The following CREB5 variants were observed in gnomAD, a reference collection of about 807,000 sequenced individuals.
CREB5 encodes the protein cyclic AMP-responsive element-binding protein 5.
A neutral mutation model predicts 57.1 loss-of-function variants in CREB5; 19 were observed. The ratio of observed to expected loss-of-function variants is 0.33; its 90% CI spans 0.23 to 0.49. The LOEUF (loss-of-function observed/expected upper bound fraction) is 0.49, where lower values mean the gene tolerates loss of function less well. Ranked by LOEUF, CREB5 falls within the 20% of genes least tolerant of loss-of-function variation. CREB5 has a pLI of 0.99. For missense variants in CREB5, 579 were observed against 671.6 expected, an observed-to-expected ratio of 0.86 and a Z score of 1.52; for synonymous variants, 238 against 238.3, an observed-to-expected ratio of 1.00 and a Z score of 0.01.
At chr7:28,339,465 A>T (rs1785891002) in intron 1 of CREB5, among the ~76,000 whole-genome samples, 1 of 152,092 alleles carries the variant, frequency 6.6e-6, no homozygotes. Context: ...CTCTTCCCTT[A>T]CTTTCTCCCA....
chr7:28,405,101 A>T (rs541173583), intron 1 of CREB5, among the ~76,000 whole-genome samples: 2 of 152,228 alleles, frequency 1.3e-5, no homozygotes, highest in African/African-American at 4.8e-5. Flanking sequence ...TGGTTTTCAC[A>T]GTTTTGGATG....
intron 5 of CREB5, among the ~76,000 whole-genome samples, chr7:28,657,952 G>C (rs1287802658): frequency 6.6e-6 from 1 of 152,106 alleles, no homozygotes; most frequent in Non-Finnish European, 1.5e-5. Context: ...AACACTGATT[G>C]AACAAAATGA....
intron 1 of CREB5, among the ~76,000 whole-genome samples, chr7:28,433,887 C>T (rs560428350): frequency 6.6e-6 from 1 of 151,688 alleles, no homozygotes; most frequent in Non-Finnish European, 1.5e-5. Flanking sequence ...CTTTCGTCTA[C>T]TGTAATAAAA....
intron 7 of CREB5, among the ~76,000 whole-genome samples, chr7:28,753,416 G>A (rs1014704473): frequency 6.6e-6 from 1 of 152,068 alleles, no homozygotes; most frequent in African/African-American, 2.4e-5. Flanking sequence ...ACAATTGGTA[G>A]AAATACTGAT....
At chr7:28,609,537 T>C (rs1447360321) in intron 5 of CREB5, among the ~76,000 whole-genome samples, 1 of 152,214 alleles carries the variant, frequency 6.6e-6, no homozygotes, top group Admixed American at 6.5e-5. Context: ...TGTATTTTTA[T>C]TTTGATTTGA....
intron 3 of CREB5, among the ~76,000 whole-genome samples, chr7:28,501,644 A>G (rs943932235): frequency 2.6e-5 from 4 of 152,168 alleles, no homozygotes; most frequent in East Asian, 1.9e-4. Context: ...GCAATTTTTG[A>G]TAATAAAATC....
chr7:28,761,480 A>AG (rs1179758166), intron 7 of CREB5, among the ~76,000 whole-genome samples: 2 of 152,138 alleles, frequency 1.3e-5, no homozygotes, highest in African/African-American at 4.8e-5. Flanking sequence ...ATGTTTTCTG[A>AG]GGGGGCAACT....
In CREB5 at chr7:28,534,973, T is replaced by G. The variant is rs1583591315; in HGVS notation, c.291+27236T>G. Reference sequence around the variant, plus strand: ...GTATCACCTCCCAGTTATTTATTTATATTTAGAAATGTACTCATCCTTGGC... The same window carrying G: ...GTATCACCTCCCAGTTATTTATTTAGATTTAGAAATGTACTCATCCTTGGC... On this transcript the variant is annotated intron_variant, in intron 4 of 10. Coordinates refer to ENST00000357727, the MANE Select transcript of CREB5 (RefSeq NM_182898.4). Among the ~76,000 whole-genome samples the G allele has an allele frequency of 2.1e-5, 3 of 141,688 alleles. 1 individual carries two copies. The South Asian group carries it at 6.5e-4, about 31-fold the overall frequency. 93.0% of individuals were successfully genotyped at this position (141,688 alleles called of 152,430 possible).
intron 5 of CREB5, among the ~76,000 whole-genome samples, chr7:28,685,199 T>C (rs1344263577): frequency 6.6e-6 from 1 of 152,206 alleles, no homozygotes; most frequent in Non-Finnish European, 1.5e-5. Context: ...GGAGAACTTG[T>C]CTTCCTTCCC....
intron 1 of CREB5, among the ~76,000 whole-genome samples, chr7:28,348,097 T>A (rs758918): frequency 0.91 from 138,937 of 152,092 alleles, 63,909 homozygotes; most frequent in Non-Finnish European, 0.97. Context: ...CCGAGATTCC[T>A]TGTGTTATTC....
At chr7:28,487,993 A>C (rs1329502392) in intron 1 of CREB5, among the ~76,000 whole-genome samples, 182 bp from the exon 2 acceptor site, 1 of 152,190 alleles carries the variant, frequency 6.6e-6, no homozygotes, top group Admixed American at 6.5e-5. Context: ...AGCCTAGGTG[A>C]GCCCAAAGAA....
intron 4 of CREB5, among the ~76,000 whole-genome samples, chr7:28,520,042 GC>G (rs1021444587): frequency 4.6e-5 from 7 of 152,218 alleles, no homozygotes; most frequent in African/African-American, 7.2e-5. Context: ...TAGGAATGGT[GC>G]TTTGGTGTGT....
chr7:28,733,057 A>T (rs1379615066), intron 7 of CREB5, among the ~76,000 whole-genome samples: 1 of 152,096 alleles, frequency 6.6e-6, no homozygotes, highest in Non-Finnish European at 1.5e-5. Flanking sequence ...GGCATGCCTC[A>T]ATTATTTTTA....
At chr7:28,624,350 A>G (rs1384321848) in intron 5 of CREB5, among the ~76,000 whole-genome samples, 2 of 152,176 alleles carry the variant, frequency 1.3e-5, no homozygotes, top group African/African-American at 4.8e-5. Flanking sequence ...TTGTGAACTC[A>G]TTTTCTGTTT....
chr7:28,413,581 A>T (rs1787900198), intron 1 of CREB5, among the ~76,000 whole-genome samples: 1 of 152,122 alleles, frequency 6.6e-6, no homozygotes, highest in Non-Finnish European at 1.5e-5. Context: ...AATATCTCCA[A>T]GCCCACTATT....
chr7:28,734,744 A>G (rs1038686265), intron 7 of CREB5, among the ~76,000 whole-genome samples: 1 of 152,206 alleles, frequency 6.6e-6, no homozygotes, highest in Non-Finnish European at 1.5e-5. Context: ...ATTTATTTCT[A>G]TAATACAGGA....
At chr7:28,375,611 A>G (rs1180993319) in intron 1 of CREB5, among the ~76,000 whole-genome samples, 1 of 152,156 alleles carries the variant, frequency 6.6e-6, no homozygotes, top group East Asian at 1.9e-4. Context: ...AGGAAAAAAA[A>G]ACAGATTTCT....
chr7:28,581,747 C>T (rs1434049028), intron 5 of CREB5, among the ~76,000 whole-genome samples: 2 of 152,194 alleles, frequency 1.3e-5, no homozygotes, highest in African/African-American at 4.8e-5. Context: ...AACAATCTGT[C>T]AAGCATCGCA....
chr7:28,418,695 T>C (rs1264719572), intron 1 of CREB5, among the ~76,000 whole-genome samples: 1 of 152,344 alleles, frequency 6.6e-6, no homozygotes, highest in East Asian at 1.9e-4. Context: ...AATGTTAGCT[T>C]TCATTTATTA....
Sources: gnomAD v4.1 joint callset for allele counts (sites outside exome capture counted in the v4.1 genomes callset) on GRCh38, gnomAD v4.1.1 for gene constraint, MANE v1.5 for transcripts, NCBI Gene and HGNC (gene_info 2026-07-23, HGNC 2026-07-21) for gene names.